Variants in FSD1L observed in about 807,000 individuals in gnomAD.
The protein encoded by FSD1L is fibronectin type III and SPRY domain containing 1 like.
A neutral mutation model predicts 71.6 loss-of-function variants in FSD1L; 45 were observed. The observed-to-expected ratio is 0.63, with a 90% CI of 0.49 to 0.81. The LOEUF (loss-of-function observed/expected upper bound fraction) is 0.81. FSD1L is among the 30% of genes least tolerant of loss of function. The probability of loss-of-function intolerance (pLI) is 0.00; values close to 1 mark genes in which losing one functional copy is unlikely to be tolerated. For missense variants in FSD1L, 561 were observed against 618.1 expected (o/e 0.91, Z 0.98); for synonymous variants, 197 against 207.2 (o/e 0.95, Z 0.42).
chr9:105,470,038 C>T (rs944988918), intron 4 of FSD1L, among the ~76,000 whole-genome samples: 3 of 152,046 alleles, frequency 2.0e-5, no homozygotes, highest in Admixed American at 6.6e-5. Flanking sequence ...ATTGTTTGGC[C>T]TTAGTACCTA....
chr9:105,479,404 A>T, intron 6 of FSD1L, 28 bp downstream of exon 6: 1 of 1,519,646 alleles, frequency 6.6e-7, no homozygotes, highest in Non-Finnish European at 8.9e-7. Context: ...TTTTTACTTA[A>T]GTATAAATAT....
intron 4 of FSD1L, among the ~76,000 whole-genome samples, chr9:105,469,964 AT>A (rs914216137): frequency 2.0e-5 from 3 of 151,788 alleles, no homozygotes; most frequent in African/African-American, 7.3e-5. Flanking sequence ...GACCTACTTT[AT>A]TTTTTTGCTT....
chr9:105,545,891 T>TA (rs1372002948), intron 13 of FSD1L, among the ~76,000 whole-genome samples: 1 of 152,150 alleles, frequency 6.6e-6, no homozygotes, highest in Non-Finnish European at 1.5e-5. Context: ...GTTCTTATAG[T>TA]TAACACGGTA....
At position 105,479,357 on chromosome 9, in the gene FSD1L, G is replaced by C; in HGVS notation, c.445G>C (p.Ala149Pro). 1 of 1,550,576 alleles carries C rather than the reference G, an allele frequency of 6.4e-7. No individual in the cohort carries two copies. The highest frequency in any genetic ancestry group is 1.2e-5 in the South Asian group (1 of 83,932). Residue 149 changes from alanine (A) to proline (P), a missense_variant, in exon 6 of 14, where the codon GCC (alanine) becomes CCC (proline). Around this residue, in one of 3 missense-constraint regions of FSD1L, gnomAD observed 410 missense variants for 413.5 expected, o/e 0.99. Transcript: ENST00000481272. ...CTTCTCCCTGATTGGCTCCAAGGCT[G>C]CCAGACAGATCAAGGATAGGTATGG... ...IKEPEEFSKA[A>P]RQIKDRVTMA... is the part of the protein sequence containing the mutation.
intron 10 of FSD1L, among the ~76,000 whole-genome samples, chr9:105,533,669 T>C (rs1017687900): frequency 3.3e-5 from 5 of 151,128 alleles, no homozygotes; most frequent in South Asian, 4.2e-4. Flanking sequence ...GATCCGCCTG[T>C]CTTGGCCTCT....
chr9:105,482,372 G>C (rs575225388), intron 6 of FSD1L, among the ~76,000 whole-genome samples: 5 of 152,280 alleles, frequency 3.3e-5, no homozygotes, highest in African/African-American at 9.6e-5. Flanking sequence ...TCTTGAAAGA[G>C]AGGGGTTATG....
intron 4 of FSD1L, among the ~76,000 whole-genome samples, chr9:105,470,217 T>C (rs1479774147): frequency 1.3e-5 from 2 of 152,184 alleles, no homozygotes; most frequent in Non-Finnish European, 2.9e-5. Context: ...TTTTTCTCTT[T>C]CAAAATTGTG....
intron 13 of FSD1L, among the ~76,000 whole-genome samples, chr9:105,539,965 C>A (rs1836503633): frequency 6.6e-6 from 1 of 151,988 alleles, no homozygotes; most frequent in African/African-American, 2.4e-5. Context: ...TTGTTCATAT[C>A]TTTTGATAAA....
In FSD1L at chr9:105,449,953, T is replaced by TG. The variant is rs529173055; in HGVS notation, c.15+1719dup. ...TAGTAGTAGTAATGTATCTTATTTG[T>TG]GATATCTTTGAGAATCAACTTCTCA... On this transcript the variant is annotated intron_variant, in intron 1 of 13. Transcript: ENST00000481272. Among the ~76,000 whole-genome samples, 22 of 152,364 alleles carry TG rather than the reference T, an allele frequency of 1.4e-4. No individual in the cohort carries two copies. The South Asian group carries it at 4.3e-3, about 30-fold the overall frequency.
At chr9:105,507,599 C>A (rs187693727) in intron 8 of FSD1L, among the ~76,000 whole-genome samples, 1 of 152,300 alleles carries the variant, frequency 6.6e-6, no homozygotes, top group African/African-American at 2.4e-5. Flanking sequence ...GTAATCCAGA[C>A]TGTACTTCAA....
intron 7 of FSD1L, among the ~76,000 whole-genome samples, chr9:105,504,308 T>C (rs1343616176): frequency 6.6e-6 from 1 of 152,246 alleles, no homozygotes; most frequent in Non-Finnish European, 1.5e-5. Context: ...CTCATGGTTA[T>C]GACAAATAAT....
chr9:105,479,323 C>T (rs1323928262), intron 5 of FSD1L, 31 bp from the exon 6 acceptor site: 1 of 1,549,370 alleles, frequency 6.5e-7, no homozygotes, highest in African/African-American at 1.4e-5. Flanking sequence ...ACTAACTTGC[C>T]TTCTTTCTCT....
chr9:105,504,425 A>G (rs1833936568), intron 7 of FSD1L, among the ~76,000 whole-genome samples: 1 of 152,222 alleles, frequency 6.6e-6, no homozygotes, highest in Admixed American at 6.5e-5. Flanking sequence ...GACTCTAGTT[A>G]GTGGAAATGG....
At chr9:105,508,163 C>T in intron 8 of FSD1L, among the ~76,000 whole-genome samples, 1 of 148,678 alleles carries the variant, frequency 6.7e-6, no homozygotes, top group Non-Finnish European at 1.5e-5. Context: ...TGCGCCCGAC[C>T]ACATATCACT....
At chr9:105,449,714 C>T (rs1350323051) in intron 1 of FSD1L, among the ~76,000 whole-genome samples, 1 of 152,026 alleles carries the variant, frequency 6.6e-6, no homozygotes, top group Non-Finnish European at 1.5e-5. Context: ...CCATAAAATA[C>T]AAAAAAATGT....
intron 1 of FSD1L, among the ~76,000 whole-genome samples, chr9:105,452,636 T>A (rs1180166770): frequency 9.5e-6 from 1 of 104,714 alleles, no homozygotes; most frequent in East Asian, 3.7e-4. Flanking sequence ...CTCGCCTGCC[T>A]GCCTGCCTGC....
At position 105,478,568 on chromosome 9, in the gene FSD1L, A is replaced by G. The variant is rs551766392; in HGVS notation, c.442-786A>G. 8.5e-5 allele frequency among the ~76,000 whole-genome samples: 13 copies of G among 152,320 alleles called. No homozygotes were observed. The South Asian group carries it at 2.7e-3, about 32-fold the overall frequency. ...TTTGTTGGATATATTGTATGTAAAT[A>G]TAAAAGGGACAACAGTTTTTACTTG... On this transcript the variant is annotated intron_variant, in intron 5 of 13. Coordinates refer to ENST00000481272, the MANE Select transcript of FSD1L (RefSeq NM_001145313.3).
At chr9:105,512,761 A>T (rs1834469790) in intron 9 of FSD1L, 46 bp from the exon 10 acceptor site, 1 of 1,096,626 alleles carries the variant, frequency 9.1e-7, no homozygotes, top group African/African-American at 1.6e-5. Context: ...CAGAAAGTGG[A>T]GATATGCTAT....
rs77804596 is a variant in FSD1L at position 105,466,150 on chromosome 9, T to C, written c.207+1819T>C. The stretch of plus-strand genomic sequence containing the variant: ...AATAAGAAAACAATCCCATTTGCTG[T>C]AGCATAAAAAAATAGGAATAAATTT... On this transcript the variant is annotated intron_variant, in intron 3 of 13. Transcript: ENST00000481272. 7.2e-4 allele frequency among the ~76,000 whole-genome samples: 109 copies of C among 152,202 alleles called. 1 individual carries two copies. Among genetic ancestry groups the C allele is most frequent in the African/African-American group, 2.6e-3 (108 of 41,540 alleles).
Sources: gnomAD v4.1 joint callset for allele counts (sites outside exome capture counted in the v4.1 genomes callset) on GRCh38, gnomAD v4.1.1 for gene constraint, gnomAD v4.1.1 regional missense constraint, MANE v1.5 for transcripts, NCBI Gene and HGNC (gene_info 2026-07-23, HGNC 2026-07-21) for gene names.